The following NDC1 variants were observed in gnomAD, a reference collection of about 807,000 sequenced individuals.
NDC1 encodes the protein nucleoporin NDC1.
A neutral mutation model predicts 89.8 loss-of-function variants in NDC1; 24 were observed. The ratio of observed to expected loss-of-function variants is 0.27; its 90% CI spans 0.19 to 0.38. NDC1 has a LOEUF of 0.38. NDC1 is among the 10% of genes least tolerant of loss of function. The pLI is 1.00. For missense variants in NDC1, 728 were observed against 797.6 expected (o/e 0.91, Z 1.05); for synonymous variants, 296 against 284.8 (o/e 1.04, Z -0.39).
At chr1:53,816,647 A>C (rs897415565) in intron 6 of NDC1, among the ~76,000 whole-genome samples, 3 of 148,748 alleles carry the variant, frequency 2.0e-5, no homozygotes, top group Admixed American at 2.0e-4. Context: ...ACAAAAAACA[A>C]AAAAAAAAAA....
Position 53,825,898 on chromosome 1 carries a change from T to C in NDC1, c.494A>G (p.Tyr165Cys). The C allele has an allele frequency of 6.2e-7, 1 of 1,611,112 alleles. No homozygotes were observed. Among genetic ancestry groups the C allele is most frequent in the Non-Finnish European group, 8.5e-7 (1 of 1,179,106 alleles). Residue 165 changes from tyrosine to cysteine, a missense_variant, in exon 5 of 18, where the codon TAT becomes TGT. Coordinates refer to ENST00000371429, the MANE Select transcript of NDC1 (RefSeq NM_018087.5). ...TCCAGTCAGTAGGAAAAAAAGATGATATTCATTTAAGCAGGTTTGCGCAGC... is the reference window on the plus strand; with the variant it reads ...TCCAGTCAGTAGGAAAAAAAGATGACATTCATTTAAGCAGGTTTGCGCAGC... ...SPAAQTCLNEYHLFFLLTGAF... is the reference protein window; with the variant it reads ...SPAAQTCLNECHLFFLLTGAF...
At chr1:53,816,651 A>AC (rs1557584789) in intron 6 of NDC1, among the ~76,000 whole-genome samples, 10 of 151,570 alleles carry the variant, frequency 6.6e-5, no homozygotes, top group African/African-American at 1.7e-4. Flanking sequence ...AAAACAAAAA[A>AC]AAAAAAAACA....
intron 9 of NDC1, among the ~76,000 whole-genome samples, chr1:53,805,813 G>T (rs1017609287): frequency 2.0e-5 from 3 of 152,180 alleles, no homozygotes; most frequent in African/African-American, 7.2e-5. Context: ...GGTGGCTCAC[G>T]CCTGTAATCC....
At chr1:53,776,335 GCCAC>G (rs1430693155) in intron 16 of NDC1, among the ~76,000 whole-genome samples, 1 of 152,058 alleles carries the variant, frequency 6.6e-6, no homozygotes, top group Non-Finnish European at 1.5e-5. Context: ...GCAACCACTA[GCCAC>G]ATGTAGCTAT....
chr1:53,797,195 T>A, intron 11 of NDC1, 51 bp from the exon 12 acceptor site: 2 of 1,580,268 alleles, frequency 1.3e-6, no homozygotes, highest in Non-Finnish European at 1.7e-6. Flanking sequence ...CCAAGCAGGC[T>A]AGCAGCAACG....
chr1:53,811,113 G>A (rs1374520189), intron 6 of NDC1, among the ~76,000 whole-genome samples: 1 of 152,232 alleles, frequency 6.6e-6, no homozygotes, highest in Non-Finnish European at 1.5e-5. Flanking sequence ...GCAGCAGAAA[G>A]GCCCTGGGAG....
intron 4 of NDC1, among the ~76,000 whole-genome samples, chr1:53,827,345 T>A (rs958723434): frequency 6.6e-6 from 1 of 150,956 alleles, no homozygotes; most frequent in Non-Finnish European, 1.5e-5. Flanking sequence ...GGCATAATCA[T>A]AGGGCACTGC....
chr1:53,820,830 C>A (rs1211598695), intron 5 of NDC1, among the ~76,000 whole-genome samples: 2 of 150,684 alleles, frequency 1.3e-5, no homozygotes, highest in Admixed American at 1.3e-4. Flanking sequence ...TGTGCCTCAG[C>A]CTCCTGAGTA....
chr1:53,801,666 A>AAC (rs1436023862), intron 10 of NDC1, among the ~76,000 whole-genome samples: 2 of 152,168 alleles, frequency 1.3e-5, no homozygotes, highest in South Asian at 4.1e-4. Context: ...TTAACCTACA[A>AAC]ACACACACAC....
At position 53,769,368 on chromosome 1, in the gene NDC1, T is replaced by G. The variant is rs1363657053; in HGVS notation, c.1962-1335A>C. On this transcript the variant is annotated intron_variant, in intron 17 of 17. Coordinates refer to ENST00000371429, the MANE Select transcript of NDC1 (RefSeq NM_018087.5). Reference sequence around the variant, plus strand: ...ACGACTATGGCTAACAAAATTGTAATGTACTAGGTATTTTTGTTAAATAAG... The same window carrying G: ...ACGACTATGGCTAACAAAATTGTAAGGTACTAGGTATTTTTGTTAAATAAG... Among the ~76,000 whole-genome samples, 4 of 152,338 alleles carry G rather than the reference T, an allele frequency of 2.6e-5. No homozygotes were observed. The East Asian group carries it at 7.7e-4, about 29-fold the overall frequency.
In NDC1 at chr1:53,809,729, A is replaced by G. The variant is rs767576699; in HGVS notation, c.721T>C (p.Trp241Arg). ...YYFLGYIPKA[W>R]ISTAMNLHID... is the part of the protein sequence containing the mutation. ...TGAAGGTTCATAGCAGTGCTAATCC[A>G]AGCTTTGGGAATATAGCCTGAAGGG... Residue 241 changes from tryptophan (W) to arginine (R), a missense_variant, in exon 7 of 18, where the codon TGG becomes CGG. Trp to Arg is a moderately radical substitution (Grantham distance 101). Transcript: ENST00000371429. The G allele has an allele frequency of 6.2e-6, 10 of 1,612,776 alleles. No homozygotes were observed. The highest frequency in any genetic ancestry group is 7.6e-6 in the Non-Finnish European group (9 of 1,179,064).
chr1:53,815,676 A>C (rs760623745), intron 6 of NDC1, among the ~76,000 whole-genome samples: 35 of 152,216 alleles, frequency 2.3e-4, no homozygotes, highest in Non-Finnish European at 4.4e-4. Context: ...CTGTTTGCTG[A>C]TGATATGATC....
At chr1:53,813,423 AAGG>A (rs1266022217) in intron 6 of NDC1, among the ~76,000 whole-genome samples, 3 of 152,234 alleles carry the variant, frequency 2.0e-5, no homozygotes, top group Admixed American at 1.3e-4. Flanking sequence ...CTTAAAGTAA[AAGG>A]GTGGAAAAAG....
chr1:53,791,226 T>G (rs551723444), intron 14 of NDC1, among the ~76,000 whole-genome samples: 14 of 152,298 alleles, frequency 9.2e-5, no homozygotes, highest in African/African-American at 3.1e-4. Flanking sequence ...GAGACCATCC[T>G]GGCTAACACG....
intron 4 of NDC1, among the ~76,000 whole-genome samples, chr1:53,827,281 A>C (rs1239111858): frequency 1.3e-5 from 2 of 151,672 alleles, no homozygotes; most frequent in African/African-American, 4.8e-5. Context: ...AAAAAAAAAA[A>C]AAAAAACAAG....
At chr1:53,784,472 C>T (rs1354321929) in intron 16 of NDC1, among the ~76,000 whole-genome samples, 2 of 152,092 alleles carry the variant, frequency 1.3e-5, no homozygotes, top group Non-Finnish European at 2.9e-5. Flanking sequence ...GCTTGGCCAA[C>T]ATGGTGAAAC....
At chr1:53,798,528 C>G (rs1023350019) in intron 11 of NDC1, among the ~76,000 whole-genome samples, 3 of 150,308 alleles carry the variant, frequency 2.0e-5, no homozygotes, top group Non-Finnish European at 4.4e-5. Context: ...TCCCAAGTAC[C>G]AAATTTTCAT....
At chr1:53,822,859 T>G (rs185947774) in intron 5 of NDC1, among the ~76,000 whole-genome samples, 4 of 152,274 alleles carry the variant, frequency 2.6e-5, no homozygotes, top group Non-Finnish European at 5.9e-5. Context: ...CTGGTCAGCT[T>G]GGCTATCAAT....
rs1220022388 is a variant in NDC1, at chr1:53,827,467, G to A, written c.455+532C>T. 2.6e-5 allele frequency among the ~76,000 whole-genome samples: 4 copies of A among 152,114 alleles called. No individual in the cohort carries two copies. The East Asian group carries it at 7.7e-4, about 29-fold the overall frequency. On this transcript the variant is annotated intron_variant, in intron 4 of 17. Coordinates refer to ENST00000371429, the MANE Select transcript of NDC1 (RefSeq NM_018087.5). ...CCAGTAATCTTTTTTAATTTTTAAA[G>A]TCAGAATATCAATTTGCAATTAGTA...
Sources: gnomAD v4.1 joint callset for allele counts (sites outside exome capture counted in the v4.1 genomes callset) on GRCh38, gnomAD v4.1.1 for gene constraint, MANE v1.5 for transcripts, NCBI Gene and HGNC (gene_info 2026-07-23, HGNC 2026-07-21) for gene names.